ABCC4: variants seen among roughly 807,000 people sequenced by gnomAD.
The protein encoded by ABCC4 is ATP-binding cassette sub-family C member 4.
A neutral mutation model predicts 168.5 loss-of-function variants in ABCC4; 102 were observed. The ratio of observed to expected loss-of-function variants is 0.61; its 90% CI spans 0.52 to 0.71. The LOEUF is 0.71. ABCC4 is among the 30% of genes least tolerant of loss of function. The probability of loss-of-function intolerance (pLI) is 0.00; values close to 1 mark genes in which losing one functional copy is unlikely to be tolerated. For synonymous variants in ABCC4, 617 were observed against 590.7 expected (o/e 1.04, Z -0.65); for missense variants, 1,402 against 1,605.8 (o/e 0.87, Z 2.17).
intron 19 of ABCC4, among the ~76,000 whole-genome samples, chr13:95,129,487 A>T (rs1302819656): frequency 6.6e-6 from 1 of 152,216 alleles, no homozygotes; most frequent in East Asian, 1.9e-4. Flanking sequence ...CTCTTGTGGC[A>T]TAGTACTGAT....
intron 25 of ABCC4, among the ~76,000 whole-genome samples, chr13:95,066,374 G>C (rs906094817): frequency 2.0e-5 from 3 of 152,164 alleles, no homozygotes; most frequent in Admixed American, 2.0e-4. Context: ...TTACGGAGCA[G>C]GCATTTATAT....
intron 4 of ABCC4, among the ~76,000 whole-genome samples, chr13:95,221,336 C>T (rs1315485504): frequency 6.6e-6 from 1 of 152,152 alleles, no homozygotes; most frequent in Non-Finnish European, 1.5e-5. Context: ...TCAGGTAATC[C>T]TCCCACCTCA....
At chr13:95,043,511 G>C (rs1343233773) in intron 29 of ABCC4, 171 bp downstream of exon 29, 1 of 522,598 alleles carries the variant, frequency 1.9e-6, no homozygotes, top group Non-Finnish European at 3.4e-6. Flanking sequence ...TGGATATATT[G>C]TTAGTAGCAC....
intron 8 of ABCC4, among the ~76,000 whole-genome samples, chr13:95,206,269 C>T (rs2038775996): frequency 6.6e-6 from 1 of 152,194 alleles, no homozygotes; most frequent in Non-Finnish European, 1.5e-5. Flanking sequence ...ATTTTAATCA[C>T]CCCTGCAGTT....
rs189905429 is a variant in ABCC4, at chr13:95,170,379, T to C, written c.1824+153A>G. On this transcript the variant is annotated intron_variant, in intron 14 of 30. Coordinates refer to ENST00000645237, the MANE Select transcript of ABCC4 (RefSeq NM_005845.5). ...TACTTTACGGTAATATGGTTTAGCA[T>C]GTAATAATGACATTTCTACAAGTCT... 17 of 523,626 alleles carry C rather than the reference T, an allele frequency of 3.2e-5. No homozygotes were observed. The East Asian group carries it at 3.6e-4, about 11-fold the overall frequency. 32.4% of individuals were successfully genotyped at this position (523,626 alleles called of 1,614,324 possible). A position where few individuals can be genotyped will look rare whatever the true frequency, so the allele number is the denominator to read the frequency against.
chr13:95,058,693 G>A (rs921089828), intron 26 of ABCC4, among the ~76,000 whole-genome samples: 3 of 151,802 alleles, frequency 2.0e-5, no homozygotes, highest in African/African-American at 7.3e-5. Flanking sequence ...GAGCTGGATA[G>A]TTCTGAGTTC....
rs571859418 is a variant in ABCC4 at position 95,224,042 on chromosome 13, A to G, written c.531+10568T>C. ...ATAAGTCAAAAAAAACTTAAGATATAATGGTTAAATATTTCCTAAACTTTA... is the reference window on the plus strand; with the variant it reads ...ATAAGTCAAAAAAAACTTAAGATATGATGGTTAAATATTTCCTAAACTTTA... On this transcript the variant is annotated intron_variant, in intron 4 of 30. Coordinates refer to ENST00000645237, the MANE Select transcript of ABCC4 (RefSeq NM_005845.5). 4.6e-5 allele frequency among the ~76,000 whole-genome samples: 7 copies of G among 152,254 alleles called. No homozygotes were observed. The South Asian group carries it at 1.5e-3, about 32-fold the overall frequency.
intron 29 of ABCC4, among the ~76,000 whole-genome samples, chr13:95,038,374 CAAAAAAAAAAA>C (rs74617293): frequency 2.0e-5 from 2 of 97,646 alleles, no homozygotes; most frequent in African/African-American, 8.3e-5. Flanking sequence ...AGCCCATACT[CAAAAAAAAAAA>C]AAAAAAAAAA....
intron 4 of ABCC4, among the ~76,000 whole-genome samples, chr13:95,225,080 G>A (rs1312985238): frequency 2.0e-5 from 3 of 150,446 alleles, no homozygotes; most frequent in African/African-American, 7.4e-5. Context: ...TCTCATAACC[G>A]GAGATTTTAA....
At chr13:95,059,213 T>C (rs1328299846) in intron 26 of ABCC4, among the ~76,000 whole-genome samples, 1 of 152,206 alleles carries the variant, frequency 6.6e-6, no homozygotes, top group Admixed American at 6.5e-5. Flanking sequence ...GTAAATTCCA[T>C]TTGAATCCTG....
intron 30 of ABCC4, among the ~76,000 whole-genome samples, chr13:95,029,188 A>C (rs71432034): frequency 0.26 from 22,597 of 86,038 alleles, 2,514 homozygotes; most frequent in South Asian, 0.3. Flanking sequence ...ATATATATAT[A>C]TATATATATA....
intron 1 of ABCC4, among the ~76,000 whole-genome samples, chr13:95,260,678 C>T (rs916284916): frequency 6.6e-6 from 1 of 152,098 alleles, no homozygotes; most frequent in African/African-American, 2.4e-5. Context: ...AGAGAAAATG[C>T]TGCATGGGGT....
At chr13:95,176,179 T>C (rs1222984947) in intron 13 of ABCC4, among the ~76,000 whole-genome samples, 3 of 123,864 alleles carry the variant, frequency 2.4e-5, no homozygotes, top group African/African-American at 9.4e-5. Flanking sequence ...ATGCCAGGTG[T>C]AGGGGCTCAC....
intron 30 of ABCC4, among the ~76,000 whole-genome samples, chr13:95,021,954 G>A (rs2031110921): frequency 1.3e-5 from 2 of 152,288 alleles, no homozygotes; most frequent in Non-Finnish European, 2.9e-5. Context: ...GTATTAAATT[G>A]ATAAGCGGAA....
chr13:95,140,568 T>A (rs755989960), intron 19 of ABCC4, among the ~76,000 whole-genome samples: 1 of 152,112 alleles, frequency 6.6e-6, no homozygotes, highest in Non-Finnish European at 1.5e-5. Flanking sequence ...AATTTCTGTA[T>A]AAGGAGAAAA....
At chr13:95,183,334 G>C (rs907154450) in intron 11 of ABCC4, among the ~76,000 whole-genome samples, 2 of 152,074 alleles carry the variant, frequency 1.3e-5, no homozygotes, top group South Asian at 2.1e-4. Flanking sequence ...AGCAGGTTTT[G>C]ATTACACATG....
At chr13:95,282,746 T>G (rs1338232236) in intron 1 of ABCC4, among the ~76,000 whole-genome samples, 4 of 151,454 alleles carry the variant, frequency 2.6e-5, no homozygotes, top group South Asian at 2.1e-4. Flanking sequence ...TGTTGACCAG[T>G]CTGCTCTCAA....
At chr13:95,296,870 G>C (rs1298762556) in intron 1 of ABCC4, among the ~76,000 whole-genome samples, 2 of 152,180 alleles carry the variant, frequency 1.3e-5, no homozygotes, top group African/African-American at 4.8e-5. Context: ...TTCAATAAAT[G>C]ATAATGGGGA....
At chr13:95,088,427 T>C (rs113342679) in intron 20 of ABCC4, among the ~76,000 whole-genome samples, 1 of 152,342 alleles carries the variant, frequency 6.6e-6, no homozygotes, top group African/African-American at 2.4e-5. Flanking sequence ...GCTACAATAC[T>C]ATAGCCAATA....
Sources: gnomAD v4.1 joint callset for allele counts (sites outside exome capture counted in the v4.1 genomes callset) on GRCh38, gnomAD v4.1.1 for gene constraint, MANE v1.5 for transcripts, NCBI Gene and HGNC (gene_info 2026-07-23, HGNC 2026-07-21) for gene names.